C18orf63: variants seen among roughly 807,000 people sequenced by gnomAD.
C18orf63 encodes uncharacterized protein C18orf63.
C18orf63 carries 50 observed loss-of-function variants against 75.3 expected under a neutral mutation model. The observed-to-expected ratio is 0.66, with a 90% CI of 0.53 to 0.84. The LOEUF (loss-of-function observed/expected upper bound fraction) is 0.84. Among genes scored for constraint, C18orf63 ranks in the 40% least tolerant of loss-of-function variants. The pLI is 0.00. For missense variants in C18orf63, 732 were observed against 800.2 expected (o/e 0.91, Z 1.03); for synonymous variants, 232 against 267.6 (o/e 0.87, Z 1.30).
At chr18:74,330,268 C>T (rs1194871019) in intron 6 of C18orf63, among the ~76,000 whole-genome samples, 1 of 152,148 alleles carries the variant, frequency 6.6e-6, no homozygotes, top group Non-Finnish European at 1.5e-5. Flanking sequence ...ATTCTTGTAA[C>T]CATTTCTCAG....
At chr18:74,346,511 AGAGT>A (rs1260611188) in intron 11 of C18orf63, among the ~76,000 whole-genome samples, 3 of 152,210 alleles carry the variant, frequency 2.0e-5, no homozygotes, top group African/African-American at 4.8e-5. Context: ...CTTAGAAGGG[AGAGT>A]GAGTGGACAA....
At chr18:74,320,481 A>C in intron 2 of C18orf63, 32 bp from the exon 3 acceptor site, 1 of 1,429,494 alleles carries the variant, frequency 7.0e-7, no homozygotes, top group East Asian at 2.5e-5. Context: ...AAACCATACC[A>C]GTCCACTTTG....
chr18:74,316,135 C>A (rs58811193), intron 1 of C18orf63, 26 bp downstream of exon 1: 4,931 of 152,342 alleles, frequency 0.032, 251 homozygotes, highest in African/African-American at 0.11. Flanking sequence ...TGATTCTCTT[C>A]CCCACGGTTG....
chr18:74,316,489 C>T (rs936298319), intron 1 of C18orf63, among the ~76,000 whole-genome samples: 3 of 152,156 alleles, frequency 2.0e-5, no homozygotes, highest in Non-Finnish European at 2.9e-5. Context: ...TCCCTCGTAG[C>T]GGCGGTCCCG....
chr18:74,335,407 G>A (rs543136867), intron 7 of C18orf63, among the ~76,000 whole-genome samples: 2 of 152,020 alleles, frequency 1.3e-5, no homozygotes, highest in Admixed American at 1.3e-4. Flanking sequence ...TTTAAATAGA[G>A]ATAAAAAAAT....
chr18:74,356,329 C>T (rs574607054), intron 13 of C18orf63, among the ~76,000 whole-genome samples, 152 bp from the exon 14 acceptor site: 1 of 151,932 alleles, frequency 6.6e-6, no homozygotes, highest in African/African-American at 2.4e-5. Context: ...CACTCTATGT[C>T]CACGTGTATA....
chr18:74,353,595 T>A lies in C18orf63; in HGVS notation c.1328T>A (p.Leu443Ter). 1 of 1,536,344 alleles carries A rather than the reference T, an allele frequency of 6.5e-7. No individual in the cohort carries two copies. Among genetic ancestry groups the A allele is most frequent in the Non-Finnish European group, 8.7e-7 (1 of 1,146,942 alleles). ...PKFVPVFKNRLLQMNKNTSVL... is the reference protein window; with the variant it reads ...PKFVPVFKNR Reference sequence around the variant, plus strand: ...TTTGTACCAGTTTTCAAAAATAGATTGTTACAAATGAACAAAAATACCTCA... The same window carrying A: ...TTTGTACCAGTTTTCAAAAATAGATAGTTACAAATGAACAAAAATACCTCA... Residue 443 changes from leucine to a stop codon, truncating the protein, a stop_gained, in exon 12 of 14, where the codon TTG becomes TAG. Transcript: ENST00000579455. LOFTEE classifies it high-confidence loss of function.
chr18:74,347,158 G>A (rs1444675447), intron 11 of C18orf63, among the ~76,000 whole-genome samples: 1 of 152,192 alleles, frequency 6.6e-6, no homozygotes, highest in Non-Finnish European at 1.5e-5. Flanking sequence ...TGTAAAATGA[G>A]GCAGAGGCTA....
At chr18:74,336,476 T>C (rs980116257) in intron 7 of C18orf63, among the ~76,000 whole-genome samples, 3 of 152,226 alleles carry the variant, frequency 2.0e-5, no homozygotes, top group African/African-American at 4.8e-5. Flanking sequence ...ATCTCCTCTC[T>C]TGATTTATCT....
At chr18:74,319,957 A>G (rs988277948) in intron 2 of C18orf63, among the ~76,000 whole-genome samples, 11 of 152,198 alleles carry the variant, frequency 7.2e-5, no homozygotes, top group Non-Finnish European at 1.5e-4. Context: ...CTTAAGTCAA[A>G]TATTGCCTGA....
At position 74,353,766 on chromosome 18, in the gene C18orf63, C is replaced by G. The variant is rs967944629; in HGVS notation, c.1499C>G (p.Ala500Gly). 35 of 1,535,682 alleles carry G rather than the reference C, an allele frequency of 2.3e-5. No homozygotes were observed. The African/African-American group carries it at 4.4e-4, about 19-fold the overall frequency. ...RYSSNIQMQA[A>G]NNLNQENSRP... ...AGTAGTAACATTCAGATGCAGGCTG[C>G]TAACAATTTAAATCAGGAGAATTCC... The change falls in exon 12 of 14, where the codon GCT becomes GGT. Residue 500 changes from alanine (A) to glycine (G), a missense_variant. Ala to Gly is a moderately conservative substitution (Grantham distance 60). Coordinates refer to ENST00000579455, the MANE Select transcript of C18orf63 (RefSeq NM_001174123.2).
chr18:74,351,889 A>G (rs1160496560), intron 11 of C18orf63, among the ~76,000 whole-genome samples: 3 of 152,192 alleles, frequency 2.0e-5, no homozygotes. Context: ...CAAGCTGTGA[A>G]CCTGTGTTTT....
chr18:74,337,106 G>A (rs1231507723), intron 7 of C18orf63, among the ~76,000 whole-genome samples: 3 of 152,034 alleles, frequency 2.0e-5, no homozygotes, highest in Non-Finnish European at 4.4e-5. Flanking sequence ...AATATCTTTA[G>A]TATTTCAACA....
At chr18:74,339,423 C>T (rs1306422470) in intron 8 of C18orf63, among the ~76,000 whole-genome samples, 4 of 152,070 alleles carry the variant, frequency 2.6e-5, no homozygotes, top group African/African-American at 4.8e-5. Flanking sequence ...TTATTTTGTG[C>T]TTACAATTGG....
In C18orf63 at chr18:74,353,492, G is replaced by C. The variant is rs1382977585; in HGVS notation, c.1225G>C (p.Glu409Gln). ...TATCAGGGCTCCACAAGTACATTCAGAAGTATTAATGCCCAACAGAGGAAA... is the reference window on the plus strand; with the variant it reads ...TATCAGGGCTCCACAAGTACATTCACAAGTATTAATGCCCAACAGAGGAAA... ...LSIRAPQVHS[E>Q]VLMPNRGNTQ... Residue 409 changes from glutamate to glutamine, a missense_variant, in exon 12 of 14, where the codon GAA becomes CAA. Glu to Gln is a conservative substitution (Grantham distance 29). This residue lies in a region of C18orf63 where 495 missense variants were observed against 508.7 expected (regional missense o/e 0.97). Transcript: ENST00000579455. The C allele has an allele frequency of 1.9e-5, 29 of 1,536,504 alleles. No individual in the cohort carries two copies. Among genetic ancestry groups the C allele is most frequent in the South Asian group, 2.4e-5 (2 of 84,054 alleles).
intron 10 of C18orf63, among the ~76,000 whole-genome samples, chr18:74,342,604 A>G (rs895717680): frequency 2.6e-5 from 4 of 152,206 alleles, no homozygotes; most frequent in African/African-American, 7.2e-5. Context: ...AAAGTAAGAA[A>G]GCAATCATGA....
chr18:74,348,400 A>T (rs529840314), intron 11 of C18orf63, among the ~76,000 whole-genome samples: 1 of 152,330 alleles, frequency 6.6e-6, no homozygotes, highest in South Asian at 2.1e-4. Context: ...CAAGAAATAC[A>T]CTGAGGTGGT....
chr18:74,338,904 G>A (rs1984435090), intron 8 of C18orf63, 80 bp downstream of exon 8: 2 of 461,250 alleles, frequency 4.3e-6, no homozygotes, highest in Non-Finnish European at 7.3e-6. Flanking sequence ...ACATTGATAT[G>A]TGTAAAAGTA....
At chr18:74,333,886 T>C (rs1262793549) in intron 7 of C18orf63, among the ~76,000 whole-genome samples, 1 of 152,216 alleles carries the variant, frequency 6.6e-6, no homozygotes, top group African/African-American at 2.4e-5. Context: ...ACTCAACATG[T>C]ACTTGTTAAA....
Sources: allele counts gnomAD v4.1 joint callset (sites outside exome capture counted in the v4.1 genomes callset), GRCh38; gene constraint gnomAD v4.1.1; regional missense constraint gnomAD v4.1.1; transcripts MANE v1.5; gene names NCBI Gene and HGNC (gene_info 2026-07-23, HGNC 2026-07-21).